Variants in ARHGAP32 observed in about 807,000 individuals in gnomAD.
The protein encoded by ARHGAP32 is rho GTPase-activating protein 32.
ARHGAP32 carries 51 observed loss-of-function variants against 186.5 expected under a neutral mutation model. The ratio of observed to expected loss-of-function variants is 0.27; its 90% CI spans 0.22 to 0.35. The LOEUF (loss-of-function observed/expected upper bound fraction) is 0.35. Among genes scored for constraint, ARHGAP32 ranks in the 10% least tolerant of loss-of-function variants. The probability of loss-of-function intolerance (pLI) is 1.00; values close to 1 mark genes in which losing one functional copy is unlikely to be tolerated. For synonymous variants in ARHGAP32, 950 were observed against 964.3 expected (o/e 0.99, Z 0.27); for missense variants, 2,186 against 2,623.5 (o/e 0.83, Z 3.64).
chr11:128,998,117 A>G (rs369531635), intron 12 of ARHGAP32, among the ~76,000 whole-genome samples: 3 of 152,226 alleles, frequency 2.0e-5, no homozygotes, highest in African/African-American at 7.2e-5. Context: ...ATAGAACACG[A>G]ACATCTCTAA....
chr11:129,019,014 T>C (rs1416415287), intron 11 of ARHGAP32, among the ~76,000 whole-genome samples: 1 of 152,210 alleles, frequency 6.6e-6, no homozygotes, highest in African/African-American at 2.4e-5. Flanking sequence ...GATGTGTTTT[T>C]CCAGTTTTAC....
chr11:129,234,503 T>C (rs926358117), intron 1 of ARHGAP32, among the ~76,000 whole-genome samples: 1 of 152,208 alleles, frequency 6.6e-6, no homozygotes, highest in Non-Finnish European at 1.5e-5. Flanking sequence ...AGACCTATTA[T>C]CTTGTACTTT....
rs138522718 is a variant in ARHGAP32, at chr11:128,975,325, T to C, written c.2195-323A>G. ...ATTCTTGGTGTGACTTTGGGCAAGT[T>C]TTTCATTTCTTTGTGTCTTATTTTA... On this transcript the variant is annotated intron_variant, in intron 20 of 22. Coordinates refer to ENST00000682385, the MANE Select transcript of ARHGAP32 (RefSeq NM_001378024.1). Among the ~76,000 whole-genome samples, 220 of 152,250 alleles carry C rather than the reference T, an allele frequency of 1.4e-3. 1 individual carries two copies. The highest frequency in any genetic ancestry group is 4.9e-3 in the African/African-American group (203 of 41,554).
At chr11:129,216,269 T>A (rs1011145917) in intron 1 of ARHGAP32, among the ~76,000 whole-genome samples, 16 of 152,208 alleles carry the variant, frequency 1.1e-4, no homozygotes, top group Non-Finnish European at 4.4e-5. Context: ...AGGCCACTAT[T>A]CAGACTACCA....
At chr11:129,093,577 ATTC>A (rs560368267) in intron 6 of ARHGAP32, 41 bp downstream of exon 6, 104 of 1,367,776 alleles carry the variant, frequency 7.6e-5, no homozygotes, top group Non-Finnish European at 1.0e-4. Context: ...ACTCAACCTA[ATTC>A]TTAACTTCAT....
At chr11:128,998,553 C>T (rs1388927377) in intron 11 of ARHGAP32, 85 bp from the exon 12 acceptor site, 4 of 1,000,362 alleles carry the variant, frequency 4.0e-6, no homozygotes, top group East Asian at 5.5e-5. Context: ...TCTCAAGAGG[C>T]TGACAGCAAA....
At chr11:129,139,867 A>T (rs1488337514) in intron 2 of ARHGAP32, among the ~76,000 whole-genome samples, 1 of 152,218 alleles carries the variant, frequency 6.6e-6, no homozygotes, top group East Asian at 1.9e-4. Flanking sequence ...TGAAGTATAA[A>T]TACCAGAGAA....
At chr11:128,981,335 T>A in intron 17 of ARHGAP32, 81 bp downstream of exon 17, 1 of 1,440,726 alleles carries the variant, frequency 6.9e-7, no homozygotes, top group South Asian at 1.4e-5. Context: ...TTTTTGTTGT[T>A]GCAATAAGAA....
intron 10 of ARHGAP32, among the ~76,000 whole-genome samples, chr11:129,048,155 T>C (rs939116312): frequency 6.6e-6 from 1 of 152,080 alleles, no homozygotes; most frequent in African/African-American, 2.4e-5. Context: ...TCCCCTTGAA[T>C]GTCAACTCCC....
At chr11:129,026,504 A>C (rs997446734) in intron 11 of ARHGAP32, among the ~76,000 whole-genome samples, 1 of 152,142 alleles carries the variant, frequency 6.6e-6, no homozygotes, top group African/African-American at 2.4e-5. Context: ...CATAAAAACT[A>C]CTTGAGTGGG....
chr11:129,020,185 T>G (rs1024857169), intron 11 of ARHGAP32, among the ~76,000 whole-genome samples: 2 of 151,988 alleles, frequency 1.3e-5, no homozygotes, highest in African/African-American at 4.8e-5. Context: ...TTGGAGAACT[T>G]TGTCAAAAAA....
rs187904255 is a variant in ARHGAP32 at position 129,005,118 on chromosome 11, T to C, written c.1046-6650A>G. 2.0e-5 allele frequency among the ~76,000 whole-genome samples: 3 copies of C among 152,252 alleles called. No individual in the cohort carries two copies. In the East Asian group the frequency reaches 5.8e-4, roughly 29 times the overall value. On this transcript the variant is annotated intron_variant, in intron 11 of 22. Coordinates refer to ENST00000682385, the MANE Select transcript of ARHGAP32 (RefSeq NM_001378024.1). ...ATTTTTAAGCTGGTAACAACACTGT[T>C]TGCATAGATAAACAAGCAAAAAGAA...
chr11:128,976,033 C>A (rs1475238970), intron 20 of ARHGAP32, among the ~76,000 whole-genome samples: 1 of 151,562 alleles, frequency 6.6e-6, no homozygotes, highest in Non-Finnish European at 1.5e-5. Context: ...TCCAAGATTG[C>A]GCCACTGTAC....
chr11:128,999,529 C>T (rs570190834), intron 11 of ARHGAP32, among the ~76,000 whole-genome samples: 5 of 152,120 alleles, frequency 3.3e-5, no homozygotes, highest in Admixed American at 6.5e-5. Flanking sequence ...ACACCCTATT[C>T]GTAAACACCC....
At chr11:129,055,187 C>T (rs1202067752) in intron 10 of ARHGAP32, among the ~76,000 whole-genome samples, 1 of 152,236 alleles carries the variant, frequency 6.6e-6, no homozygotes, top group Non-Finnish European at 1.5e-5. Flanking sequence ...GAGAGCAGAA[C>T]AGCACCCTTC....
intron 1 of ARHGAP32, among the ~76,000 whole-genome samples, chr11:129,223,380 T>C (rs1326653144): frequency 2.0e-5 from 3 of 152,190 alleles, no homozygotes; most frequent in African/African-American, 7.2e-5. Flanking sequence ...TGCTTTTATT[T>C]GTTTCTTACA....
At chr11:129,271,581 G>A (rs1210294309) in intron 1 of ARHGAP32, among the ~76,000 whole-genome samples, 1 of 152,102 alleles carries the variant, frequency 6.6e-6, no homozygotes, top group African/African-American at 2.4e-5. Context: ...TAGAGCGCAA[G>A]GGGGAAAAAA....
chr11:129,275,144 G>C (rs1366342779), intron 1 of ARHGAP32, among the ~76,000 whole-genome samples: 1 of 152,140 alleles, frequency 6.6e-6, no homozygotes, highest in Non-Finnish European at 1.5e-5. Context: ...TTTCAGCAAA[G>C]GAGAAAATTC....
chr11:129,010,546 G>A (rs188231977), intron 11 of ARHGAP32, among the ~76,000 whole-genome samples: 147 of 152,222 alleles, frequency 9.7e-4, no homozygotes, highest in African/African-American at 3.4e-3. Context: ...TATTAAATAC[G>A]GAATACCTTC....
Sources: allele counts gnomAD v4.1 joint callset (sites outside exome capture counted in the v4.1 genomes callset), GRCh38; gene constraint gnomAD v4.1.1; transcripts MANE v1.5; gene names NCBI Gene and HGNC (gene_info 2026-07-23, HGNC 2026-07-21).